The following CLDND2 variants were observed in gnomAD, a reference collection of about 807,000 sequenced individuals.
CLDND2 encodes the protein claudin domain containing 2, also known as claudin domain-containing protein 2.
In CLDND2, 18 loss-of-function variants were observed where a neutral mutation model predicts 17.7. That is an observed-to-expected ratio of 1.02 (90% CI 0.70 to 1.51). CLDND2 has a LOEUF of 1.51. Ranked by LOEUF, CLDND2 falls within the 40% of genes most tolerant of loss-of-function variation. The pLI, the probability that CLDND2 is intolerant of heterozygous loss-of-function variation, is 0.00. For synonymous variants in CLDND2, 113 were observed against 93.0 expected (o/e 1.22, Z -1.24); for missense variants, 233 against 219.6 (o/e 1.06, Z -0.39).
At chr19:51,368,262 G>A (rs371795275) in intron 1 of CLDND2, 147 bp downstream of exon 1, 7 of 1,060,348 alleles carry the variant, frequency 6.6e-6, no homozygotes, top group African/African-American at 6.3e-5. Flanking sequence ...GTCGAGGGGC[G>A]GGGTTCGTGG....
At position 51,368,520 on chromosome 19, in the gene CLDND2, C is replaced by T. The variant is rs1453747054; in HGVS notation, c.58G>A (p.Val20Ile). ...GTGGCCGTGGAGAGCACCATGAGGA[C>T]GTTGGCCACGAGGCTGAGCAGAATG... ...GGILLSLVAN[V>I]LMVLSTATNY... The change falls in exon 1 of 4, where the codon GTC becomes ATC. Residue 20 changes from valine to isoleucine, a missense_variant. Val to Ile is a conservative substitution (Grantham distance 29, BLOSUM62 3). Coordinates refer to ENST00000291715, the MANE Select transcript of CLDND2 (RefSeq NM_152353.3). 1 of 1,613,944 alleles carries T rather than the reference C, an allele frequency of 6.2e-7. No individual in the cohort carries two copies. The highest frequency in any genetic ancestry group is 1.3e-5 in the African/African-American group (1 of 74,932).
In CLDND2 at chr19:51,367,686, C is replaced by A; in HGVS notation, c.311-110G>T. The A allele has an allele frequency of 6.7e-7, 1 of 1,496,742 alleles. No individual in the cohort carries two copies. The highest frequency in any genetic ancestry group is 1.3e-5 in the South Asian group (1 of 76,402). 92.7% of individuals were successfully genotyped at this position (1,496,742 alleles called of 1,614,324 possible). A position where few individuals can be genotyped will look rare whatever the true frequency, so the allele number is the denominator to read the frequency against. ...CTATCAGACCACGCCTATCGCCTCTCAGCCCGCCCCTGGCCCAGGCCCCTT... is the reference window on the plus strand; with the variant it reads ...CTATCAGACCACGCCTATCGCCTCTAAGCCCGCCCCTGGCCCAGGCCCCTT... On this transcript the variant is annotated intron_variant, in intron 2 of 3. Coordinates refer to ENST00000291715, the MANE Select transcript of CLDND2 (RefSeq NM_152353.3). This position sits in a 1 kb window ranked among gnomAD's most constrained non-coding sequence, Gnocchi z 7.4.
In CLDND2 at chr19:51,367,432, A is replaced by G; in HGVS notation, c.430+25T>C. The G allele has an allele frequency of 6.3e-7, 1 of 1,582,862 alleles. No individual in the cohort carries two copies. The highest frequency in any genetic ancestry group is 1.8e-5 in the Admixed American group (1 of 55,226). On this transcript the variant is annotated intron_variant, in intron 3 of 3. Transcript: ENST00000291715. The surrounding 1 kb of genome is among the most constrained non-coding windows in gnomAD (Gnocchi z 7.4). The stretch of plus-strand genomic sequence containing the variant: ...GAGGGTCTTCTGGGCAGTCTCCTCC[A>G]CCCTCTTCCCGCTGTCCAGTTTACC...
rs772546495 is a variant in CLDND2, at chr19:51,368,426, G to T, written c.152C>A (p.Ser51Tyr). 16 of 1,613,040 alleles carry T rather than the reference G, an allele frequency of 9.9e-6. No homozygotes were observed. The highest frequency in any genetic ancestry group is 1.4e-5 in the Non-Finnish European group (16 of 1,179,862). The part of the protein sequence containing the change: ...LWQECNHGIC[S>Y]SIPCQTTLAV... ...AGCCTCACTCTGGCAGGGGATGCTG[G>T]AGCAGATGCCGTGGTTGCATTCCTG... The change falls in exon 1 of 4, where the codon TCC becomes TAC. Residue 51 changes from serine to tyrosine, a missense_variant. Transcript: ENST00000291715.
rs1371264929 is a variant in CLDND2, at chr19:51,367,879, G to A, written c.310+7C>T. ...GCCTGCCCGCCTGGGGCGGTCTGCA[G>A]TCTCACCGCCGAGGAAGAGGAAGGC... On this transcript the variant is annotated splice_region_variant and intron_variant, in intron 2 of 3. Coordinates refer to ENST00000291715, the MANE Select transcript of CLDND2 (RefSeq NM_152353.3). This position sits in a 1 kb window ranked among gnomAD's most constrained non-coding sequence, Gnocchi z 7.4. 1 of 1,609,418 alleles carries A rather than the reference G, an allele frequency of 6.2e-7. No individual in the cohort carries two copies. The highest frequency in any genetic ancestry group is 2.2e-5 in the East Asian group (1 of 44,840).
rs145587573 is a variant in CLDND2, at chr19:51,368,437, G to C, written c.141C>G (p.His47Gln). 5.6e-6 allele frequency: 9 copies of C among 1,613,674 alleles called. No homozygotes were observed. The Admixed American group carries it at 1.5e-4, about 27-fold the overall frequency. ...GHSGLWQECN[H>Q]GICSSIPCQT... The stretch of plus-strand genomic sequence containing the variant: ...GGCAGGGGATGCTGGAGCAGATGCC[G>C]TGGTTGCATTCCTGCCACAGGCCAC... The change falls in exon 1 of 4, where the codon CAC becomes CAG. Residue 47 changes from histidine (H) to glutamine (Q), a missense_variant. Physicochemically the swap from His to Gln is conservative, Grantham distance 24 (BLOSUM62 0). Transcript: ENST00000291715.
intron 1 of CLDND2, 173 bp from the exon 2 acceptor site, chr19:51,368,199 C>T (rs1986512571): frequency 1.2e-6 from 1 of 863,730 alleles, no homozygotes; most frequent in Non-Finnish European, 1.7e-6. Context: ...ACATCAGGAC[C>T]TGCGGTTACT....
At chr19:51,368,170 G>T in intron 1 of CLDND2, 144 bp from the exon 2 acceptor site, 1 of 991,694 alleles carries the variant, frequency 1.0e-6, no homozygotes, top group Non-Finnish European at 1.5e-6. Context: ...TCAGGCGTTT[G>T]GATTGAGACT....
At chr19:51,366,961 G>A, downstream of CLDND2, 3 of 628,898 alleles carry the variant, frequency 4.8e-6, no homozygotes, top group Non-Finnish European at 8.8e-6. Flanking sequence ...CCAATCCATG[G>A]AGACTTGTGT....
Position 51,367,652 on chromosome 19 carries a change from C to G in CLDND2, c.311-76G>C. ...CACCCAGGCCACGCCCCTTCAGACC[C>G]GCCCCCTTCTATCAGACCACGCCTA... is the stretch of plus-strand genomic sequence containing the variant. On this transcript the variant is annotated intron_variant, in intron 2 of 3. Transcript: ENST00000291715. The surrounding 1 kb of genome is among the most constrained non-coding windows in gnomAD (Gnocchi z 7.4). 1 of 1,538,136 alleles carries G rather than the reference C, an allele frequency of 6.5e-7. No homozygotes were observed. The highest frequency in any genetic ancestry group is 1.2e-5 in the South Asian group (1 of 83,624).
rs1473019042 is a variant in CLDND2, at chr19:51,368,514, T to G, written c.64A>C (p.Met22Leu). The G allele has an allele frequency of 6.2e-7, 1 of 1,613,936 alleles. No homozygotes were observed. Among genetic ancestry groups the G allele is most frequent in the Non-Finnish European group, 8.5e-7 (1 of 1,179,968 alleles). ...TAGTTGGTGGCCGTGGAGAGCACCA[T>G]GAGGACGTTGGCCACGAGGCTGAGC... ...ILLSLVANVL[M>L]VLSTATNYWT... The change falls in exon 1 of 4, where the codon ATG (methionine) becomes CTG (leucine). Residue 22 changes from methionine (M) to leucine (L), a missense_variant. Physicochemically the swap from Met to Leu is conservative, Grantham distance 15 (BLOSUM62 2). Transcript: ENST00000291715.
In CLDND2 at chr19:51,368,685, A is replaced by C; in HGVS notation, c.-108T>G. The stretch of plus-strand genomic sequence containing the variant: ...GCTTCCTCCACACTCCTCCCCTGGT[A>C]CTCCTGCCTGAGGTCCCTGCTTCTG... On this transcript the variant is annotated 5_prime_UTR_variant, in exon 1 of 4. Coordinates refer to ENST00000291715, the MANE Select transcript of CLDND2 (RefSeq NM_152353.3). The C allele has an allele frequency of 1.0e-6, 1 of 976,832 alleles. No individual in the cohort carries two copies. Among genetic ancestry groups the C allele is most frequent in the South Asian group, 1.7e-5 (1 of 58,582 alleles). The allele number at this position is 976,832 out of a possible 1,614,324, so 60.5% of individuals were successfully genotyped here. A position where few individuals can be genotyped will look rare whatever the true frequency, so the allele number is the denominator to read the frequency against.
Position 51,368,025 on chromosome 19 carries a change from G to C in CLDND2, c.171C>G (p.Thr57=). Residue 57 remains threonine, a splice_region_variant and synonymous_variant, in exon 2 of 4, where the codon ACC becomes ACG. Transcript: ENST00000291715. ...TGCACGCCACAGTCACCGCCAGCGT[G>C]GCTGGGGAGAGCGGGCGCATCAGCC... ...HGICSSIPCQ[T]TLAVTVACMV... The C allele has an allele frequency of 6.2e-7, 1 of 1,606,728 alleles. No homozygotes were observed. Among genetic ancestry groups the C allele is most frequent in the Non-Finnish European group, 8.5e-7 (1 of 1,177,250 alleles).
chr19:51,368,693 C>T lies in CLDND2; in HGVS notation c.-116G>A. The stretch of plus-strand genomic sequence containing the variant: ...CACACTCCTCCCCTGGTACTCCTGC[C>T]TGAGGTCCCTGCTTCTGGGGACCTG... On this transcript the variant is annotated 5_prime_UTR_variant, in exon 1 of 4. Coordinates refer to ENST00000291715, the MANE Select transcript of CLDND2 (RefSeq NM_152353.3). 1 of 895,406 alleles carries T rather than the reference C, an allele frequency of 1.1e-6. No individual in the cohort carries two copies. The highest frequency in any genetic ancestry group is 1.6e-6 in the Non-Finnish European group (1 of 607,770). The allele number at this position is 895,406 out of a possible 1,614,324, so 55.5% of individuals were successfully genotyped here.
chr19:51,368,383 T>G (rs768337193), intron 1 of CLDND2, 26 bp downstream of exon 1: 7 of 1,596,934 alleles, frequency 4.4e-6, no homozygotes, highest in Non-Finnish European at 6.0e-6. Context: ...AAATGCCCTC[T>G]GACATCTGGG....
chr19:51,368,332 C>T (rs1451161527), intron 1 of CLDND2, 77 bp downstream of exon 1: 3 of 1,489,718 alleles, frequency 2.0e-6, no homozygotes, highest in African/African-American at 2.8e-5. Flanking sequence ...GTGGGCGTCT[C>T]GCCATGGGCC....
At chr19:51,368,103 C>G (rs3745402) in intron 1 of CLDND2, 77 bp from the exon 2 acceptor site, 1 of 1,440,140 alleles carries the variant, frequency 6.9e-7, no homozygotes, top group East Asian at 2.5e-5. Context: ...GGAAGCTCTC[C>G]CGTCTCCTGC....
chr19:51,367,302 CTCCAAG>C lies in CLDND2; in HGVS notation c.431-93_431-88del. ...GGGCCCCGGGGACTGGGGTTTGGGG[CTCCAAG>C]GGGGTCTCTGCCGGGTCTGCGGGAG... On this transcript the variant is annotated intron_variant, in intron 3 of 3. Transcript: ENST00000291715. This position sits in a 1 kb window ranked among gnomAD's most constrained non-coding sequence, Gnocchi z 7.4. 1 of 1,464,926 alleles carries C rather than the reference CTCCAAG, an allele frequency of 6.8e-7. No individual in the cohort carries two copies. 90.7% of individuals were successfully genotyped at this position (1,464,926 alleles called of 1,614,324 possible).
Position 51,367,478 on chromosome 19 carries a change from A to G in CLDND2, c.409T>C (p.Leu137=). The G allele has an allele frequency of 6.2e-7, 1 of 1,603,024 alleles. No homozygotes were observed. The highest frequency in any genetic ancestry group is 8.5e-7 in the Non-Finnish European group (1 of 1,174,078). The change falls in exon 3 of 4, where the codon TTA becomes CTA. Residue 137 remains leucine, a synonymous_variant. Transcript: ENST00000291715. The surrounding 1 kb of genome is among the most constrained non-coding windows in gnomAD (Gnocchi z 7.4). ...SWSYFSGWLA[L]PFSILAGFCF... is the part of the protein sequence containing the mutation. Reference sequence around the variant, plus strand: ...TTACCCGCGAGAATTGAGAAGGGTAAGGCCAGCCACCCAGAAAAATAGGAC... The same window carrying G: ...TTACCCGCGAGAATTGAGAAGGGTAGGGCCAGCCACCCAGAAAAATAGGAC...
Sources: allele counts gnomAD v4.1 joint callset, GRCh38; gene constraint gnomAD v4.1.1; non-coding constraint Gnocchi (gnomAD v3.1); transcripts MANE v1.5; gene names NCBI Gene and HGNC (gene_info 2026-07-23, HGNC 2026-07-21).